The following CHCHD3 variants were observed in gnomAD, a reference collection of about 807,000 sequenced individuals.
CHCHD3 encodes MICOS complex subunit MIC19.
Under a neutral mutation model 38.2 loss-of-function variants are expected in CHCHD3, and 20 were observed. The observed-to-expected ratio is 0.52, with a 90% confidence interval of 0.37 to 0.76. The LOEUF (loss-of-function observed/expected upper bound fraction) is 0.76. Ranked by LOEUF, CHCHD3 falls within the 30% of genes least tolerant of loss-of-function variation. The pLI is 0.00. For synonymous variants in CHCHD3, 82 were observed against 100.0 expected (o/e 0.82, Z 1.07); for missense variants, 245 against 279.2 (o/e 0.88, Z 0.87).
At chr7:132,976,848 GA>G (rs906066292) in intron 3 of CHCHD3, among the ~76,000 whole-genome samples, 186 of 146,438 alleles carry the variant, frequency 1.3e-3, no homozygotes, top group African/African-American at 4.2e-3. Flanking sequence ...AACTACAACA[GA>G]AAAAAAAAAG....
intron 4 of CHCHD3, among the ~76,000 whole-genome samples, chr7:132,958,412 T>TA (rs962242468): frequency 3.3e-5 from 5 of 151,188 alleles, no homozygotes; most frequent in East Asian, 1.9e-4. Flanking sequence ...GCTGTGATAA[T>TA]AAAAAAAATA....
chr7:132,910,966 G>A (rs930163954), intron 4 of CHCHD3, among the ~76,000 whole-genome samples: 1 of 152,158 alleles, frequency 6.6e-6, no homozygotes, highest in African/African-American at 2.4e-5. Context: ...AACACAAGGA[G>A]AAGAAAAACT....
At chr7:133,075,503 T>C (rs1814959106) in intron 1 of CHCHD3, among the ~76,000 whole-genome samples, 1 of 152,186 alleles carries the variant, frequency 6.6e-6, no homozygotes, top group South Asian at 2.1e-4. Context: ...AATAGTTTTG[T>C]TGTGTTATCA....
chr7:132,984,253 C>A (rs1283674510), intron 3 of CHCHD3, among the ~76,000 whole-genome samples: 54 of 151,700 alleles, frequency 3.6e-4, no homozygotes, highest in Admixed American at 2.8e-3. Flanking sequence ...TTGGTGGAGA[C>A]GGGGTTTCGC....
At chr7:132,984,333 G>A (rs537633817) in intron 3 of CHCHD3, among the ~76,000 whole-genome samples, 104 of 151,904 alleles carry the variant, frequency 6.8e-4, no homozygotes, top group Middle Eastern at 3.4e-3. Flanking sequence ...CCGAGGTGCC[G>A]GGATGGCAGA....
chr7:133,011,424 C>T (rs1394852371), intron 3 of CHCHD3, among the ~76,000 whole-genome samples: 3 of 152,144 alleles, frequency 2.0e-5, no homozygotes, highest in African/African-American at 7.2e-5. Context: ...ATGGCTTACA[C>T]CAGGGTTTCT....
At chr7:132,954,816 C>T (rs931650530) in intron 4 of CHCHD3, among the ~76,000 whole-genome samples, 7 of 152,150 alleles carry the variant, frequency 4.6e-5, no homozygotes, top group African/African-American at 1.7e-4. Flanking sequence ...TACCTCTAGA[C>T]GTCCATACAG....
intron 2 of CHCHD3, among the ~76,000 whole-genome samples, chr7:133,069,157 A>G (rs1814751042): frequency 6.6e-6 from 1 of 152,154 alleles, no homozygotes; most frequent in South Asian, 2.1e-4. Flanking sequence ...CTCACTTTCT[A>G]TCTAGCGTTA....
chr7:132,871,668 T>C (rs549412436), intron 5 of CHCHD3, among the ~76,000 whole-genome samples: 2 of 152,278 alleles, frequency 1.3e-5, no homozygotes, highest in South Asian at 2.1e-4. Flanking sequence ...AACTACACTA[T>C]GATTAAGTTC....
chr7:132,975,795 G>T (rs1443629177), intron 3 of CHCHD3, among the ~76,000 whole-genome samples: 1 of 152,116 alleles, frequency 6.6e-6, no homozygotes, highest in Non-Finnish European at 1.5e-5. Context: ...GCTGGGCGTG[G>T]TGATACATTC....
chr7:132,922,974 A>G (rs910903320), intron 4 of CHCHD3, among the ~76,000 whole-genome samples: 1 of 152,198 alleles, frequency 6.6e-6, no homozygotes, highest in African/African-American at 2.4e-5. Context: ...TCATGTGAAA[A>G]ACCTACTCAT....
intron 6 of CHCHD3, among the ~76,000 whole-genome samples, chr7:132,811,363 T>C (rs2117051737): frequency 6.6e-6 from 1 of 152,356 alleles, no homozygotes; most frequent in East Asian, 1.9e-4. Context: ...CCCAACATGG[T>C]GGTCACACCA....
intron 4 of CHCHD3, among the ~76,000 whole-genome samples, chr7:132,897,945 T>C (rs926228777): frequency 2.0e-4 from 31 of 152,106 alleles, no homozygotes; most frequent in African/African-American, 7.0e-4. Context: ...TGTTCAGATG[T>C]GTTCGGAGTT....
At chr7:132,824,216 C>T (rs1376445914) in intron 6 of CHCHD3, among the ~76,000 whole-genome samples, 1 of 151,280 alleles carries the variant, frequency 6.6e-6, no homozygotes, top group Non-Finnish European at 1.5e-5. Context: ...AGAAGACTTC[C>T]AGAAACAATG....
At chr7:132,863,538 C>T (rs1024044759) in intron 5 of CHCHD3, among the ~76,000 whole-genome samples, 1 of 152,200 alleles carries the variant, frequency 6.6e-6, no homozygotes, top group South Asian at 2.1e-4. Context: ...GCTTCAACTT[C>T]AAGTCATCAG....
rs1814777723 is a variant in CHCHD3 at position 133,070,164 on chromosome 7, A to G, written c.147T>C (p.Tyr49=). ...SSPSGSKSQR[Y]SGAYGASVSD... The stretch of plus-strand genomic sequence containing the variant: ...TACCTGAGGCACCATAAGCACCAGA[A>G]TACCGCTGAGACTTCGAACCAGATG... Residue 49 remains tyrosine (Y), a synonymous_variant, in exon 2 of 8, where the codon TAT becomes TAC. Coordinates refer to ENST00000262570, the MANE Select transcript of CHCHD3 (RefSeq NM_017812.4). The G allele has an allele frequency of 6.2e-7, 1 of 1,612,286 alleles. No individual in the cohort carries two copies. The highest frequency in any genetic ancestry group is 8.5e-7 in the Non-Finnish European group (1 of 1,179,832).
At chr7:133,055,620 AT>A (rs1814304882) in intron 2 of CHCHD3, among the ~76,000 whole-genome samples, 1 of 147,912 alleles carries the variant, frequency 6.8e-6, no homozygotes, top group South Asian at 2.1e-4. Context: ...TAATTATAAC[AT>A]GTGTTATACA....
At chr7:132,872,075 C>G (rs7784490) in intron 5 of CHCHD3, among the ~76,000 whole-genome samples, 82,589 of 151,952 alleles carry the variant, frequency 0.54, 23,383 homozygotes, top group Non-Finnish European at 0.62. Flanking sequence ...GTTAAAAGTA[C>G]GGCTGGCTTG....
intron 2 of CHCHD3, 68 bp from the exon 3 acceptor site, chr7:133,024,695 T>G: frequency 8.5e-7 from 1 of 1,180,446 alleles, no homozygotes; most frequent in Non-Finnish European, 1.3e-6. Context: ...AAGAAAATAC[T>G]CAGGAAAGCC....
Sources: gnomAD v4.1 joint callset for allele counts (sites outside exome capture counted in the v4.1 genomes callset) on GRCh38, gnomAD v4.1.1 for gene constraint, MANE v1.5 for transcripts, NCBI Gene and HGNC (gene_info 2026-07-23, HGNC 2026-07-21) for gene names.